The following FHIT variants were observed in gnomAD, a reference collection of about 807,000 sequenced individuals.
FHIT encodes the protein bis(5'-adenosyl)-triphosphatase.
In FHIT, 19 loss-of-function variants were observed where a neutral mutation model predicts 17.9. That is an observed-to-expected ratio of 1.06 (90% CI 0.74 to 1.56). The LOEUF (loss-of-function observed/expected upper bound fraction) is 1.56, where lower values mean the gene tolerates loss of function less well. Ranked by LOEUF, FHIT falls within the 40% of genes most tolerant of loss-of-function variation. The probability of loss-of-function intolerance (pLI) is 0.00; values close to 1 mark genes in which losing one functional copy is unlikely to be tolerated. For missense variants in FHIT, 248 were observed against 189.2 expected (o/e 1.31, Z -1.82); for synonymous variants, 81 against 69.7 (o/e 1.16, Z -0.81).
chr3:59,942,727 C>A (rs1706587851), intron 7 of FHIT, among the ~76,000 whole-genome samples: 1 of 152,122 alleles, frequency 6.6e-6, no homozygotes, highest in Non-Finnish European at 1.5e-5. Context: ...TAGCTCTCTG[C>A]AGCCTCTACC....
chr3:60,987,361 G>A (rs931582411), intron 3 of FHIT, among the ~76,000 whole-genome samples: 1 of 152,140 alleles, frequency 6.6e-6, no homozygotes, highest in African/African-American at 2.4e-5. Context: ...GGAACACCTG[G>A]CCTGCCCAGG....
At chr3:60,005,040 G>A (rs1313860265) in intron 7 of FHIT, among the ~76,000 whole-genome samples, 2 of 152,134 alleles carry the variant, frequency 1.3e-5, no homozygotes, top group Non-Finnish European at 2.9e-5. Context: ...GCACCTGGTA[G>A]GCGACAGCTC....
At chr3:61,206,350 T>G (rs1319179924) in intron 1 of FHIT, among the ~76,000 whole-genome samples, 4 of 136,978 alleles carry the variant, frequency 2.9e-5, no homozygotes, top group African/African-American at 1.1e-4. Flanking sequence ...TCCAATTCTG[T>G]GAAGAAAGTC....
At chr3:61,141,548 C>T (rs1177907562) in intron 2 of FHIT, among the ~76,000 whole-genome samples, 1 of 151,828 alleles carries the variant, frequency 6.6e-6, no homozygotes, top group African/African-American at 2.4e-5. Context: ...TCCTTCCCAG[C>T]CACTCCACCC....
At chr3:61,107,810 T>G (rs2036034535) in intron 2 of FHIT, among the ~76,000 whole-genome samples, 1 of 152,186 alleles carries the variant, frequency 6.6e-6, no homozygotes, top group African/African-American at 2.4e-5. Context: ...AGGAAAGTGA[T>G]GTACAGAAAA....
intron 3 of FHIT, among the ~76,000 whole-genome samples, chr3:61,025,799 T>C (rs2032702932): frequency 6.6e-6 from 1 of 152,214 alleles, no homozygotes; most frequent in South Asian, 2.1e-4. Flanking sequence ...GGTTTGGTGA[T>C]TCTACGTAGC....
chr3:60,052,024 C>T (rs538371841), intron 5 of FHIT, among the ~76,000 whole-genome samples: 3 of 152,078 alleles, frequency 2.0e-5, no homozygotes, highest in Non-Finnish European at 2.9e-5. Context: ...CCCAACTGGA[C>T]TAATTTTTGT....
chr3:60,738,784 A>C (rs1553713228), intron 4 of FHIT, among the ~76,000 whole-genome samples: 1 of 152,230 alleles, frequency 6.6e-6, no homozygotes, highest in African/African-American at 2.4e-5. Flanking sequence ...AAGACAAGGA[A>C]ATACTGGGTA....
intron 4 of FHIT, among the ~76,000 whole-genome samples, chr3:60,561,409 T>A (rs2036940361): frequency 2.6e-5 from 4 of 151,988 alleles, no homozygotes. Context: ...GTGGAGTCCT[T>A]ACAAGTCGCT....
At chr3:59,820,827 C>T (rs769760074) in intron 8 of FHIT, among the ~76,000 whole-genome samples, 2 of 152,034 alleles carry the variant, frequency 1.3e-5, no homozygotes, top group Non-Finnish European at 2.9e-5. Context: ...GAACAATGTG[C>T]GAGACACAAC....
chr3:61,155,806 G>C (rs903956149), intron 2 of FHIT, among the ~76,000 whole-genome samples: 1 of 152,196 alleles, frequency 6.6e-6, no homozygotes, highest in Non-Finnish European at 1.5e-5. Context: ...AAATAGACCT[G>C]CTTGCAAAGT....
chr3:60,103,344 C>T (rs959183159), intron 5 of FHIT, among the ~76,000 whole-genome samples: 2 of 152,144 alleles, frequency 1.3e-5, no homozygotes, highest in African/African-American at 4.8e-5. Context: ...GAAAGGCGTA[C>T]ACATTTTATT....
intron 3 of FHIT, among the ~76,000 whole-genome samples, chr3:60,904,277 C>A (rs1241551979): frequency 1.3e-5 from 2 of 152,098 alleles, no homozygotes; most frequent in African/African-American, 2.4e-5. Flanking sequence ...TCCATTTTCT[C>A]CTTTTCCTTT....
At chr3:61,201,653 C>T (rs920361607) in intron 1 of FHIT, among the ~76,000 whole-genome samples, 1 of 152,082 alleles carries the variant, frequency 6.6e-6, no homozygotes, top group Non-Finnish European at 1.5e-5. Flanking sequence ...CACCAAAGAA[C>T]AGGTCAGACT....
chr3:60,773,338 A>T (rs1325218214), intron 4 of FHIT, among the ~76,000 whole-genome samples: 1 of 152,200 alleles, frequency 6.6e-6, no homozygotes, highest in African/African-American at 2.4e-5. Context: ...TCTGTACCCA[A>T]TTAAGCCCAA....
chr3:60,511,645 C>G (rs2034955032), intron 5 of FHIT, among the ~76,000 whole-genome samples: 1 of 151,926 alleles, frequency 6.6e-6, no homozygotes, highest in Non-Finnish European at 1.5e-5. Context: ...ACATATTTTC[C>G]AGTCCTTTCT....
intron 4 of FHIT, among the ~76,000 whole-genome samples, chr3:60,552,532 A>G (rs1380734937): frequency 6.6e-6 from 1 of 152,176 alleles, no homozygotes; most frequent in Non-Finnish European, 1.5e-5. Flanking sequence ...TGAGACCTAG[A>G]TATCAGGCTT....
At chr3:61,135,794 T>C (rs997224497) in intron 2 of FHIT, among the ~76,000 whole-genome samples, 2 of 152,168 alleles carry the variant, frequency 1.3e-5, no homozygotes, top group Non-Finnish European at 2.9e-5. Flanking sequence ...TTTCATCAAA[T>C]ACGTGGACTA....
chr3:60,547,291 C>G (rs114893898), intron 4 of FHIT, among the ~76,000 whole-genome samples: 6,820 of 152,146 alleles, frequency 0.045, 224 homozygotes, highest in Non-Finnish European at 0.07. Flanking sequence ...TTCTGTAAGC[C>G]AGAGAAGCAA....
Sources: allele counts gnomAD v4.1 joint callset (sites outside exome capture counted in the v4.1 genomes callset), GRCh38; gene constraint gnomAD v4.1.1; transcripts MANE v1.5; gene names NCBI Gene and HGNC (gene_info 2026-07-23, HGNC 2026-07-21).